Variants in HGFAC observed in about 807,000 individuals in gnomAD.
HGFAC encodes the protein HGF activator.
Under a neutral mutation model 70.6 loss-of-function variants are expected in HGFAC, and 76 were observed. That is an observed-to-expected ratio of 1.08 (90% CI 0.89 to 1.30). The LOEUF is 1.30. Ranked by LOEUF, HGFAC falls within the 50% of genes most tolerant of loss-of-function variation. The probability of loss-of-function intolerance (pLI) is 0.00; values close to 1 mark genes in which losing one functional copy is unlikely to be tolerated. For missense variants in HGFAC, 1,044 were observed against 933.7 expected (o/e 1.12, Z -1.54); for synonymous variants, 464 against 405.3 (o/e 1.14, Z -1.74).
At position 3,443,377 on chromosome 4, in the gene HGFAC, C is replaced by T; in HGVS notation, c.432C>T (p.Ala144=). The change falls in exon 4 of 14, where the codon GCC becomes GCT. Residue 144 remains alanine (A), a synonymous_variant. Coordinates refer to ENST00000382774, the MANE Select transcript of HGFAC (RefSeq NM_001528.4). The part of the protein sequence containing the change: ...ATTHNYDRDR[A]WGYCVEATPP... ...CTCACAACTACGACCGGGACAGGGC[C>T]TGGGGCTACTGTGTGGAGGCCACCC... 1 of 1,528,218 alleles carries T rather than the reference C, an allele frequency of 6.5e-7. No individual in the cohort carries two copies. The highest frequency in any genetic ancestry group is 1.2e-5 in the South Asian group (1 of 80,946). 94.7% of individuals were successfully genotyped at this position (1,528,218 alleles called of 1,614,324 possible).
chr4:3,447,866 AGGCTGACCCT>A lies in HGFAC; in HGVS notation c.1496-25_1496-16del, dbSNP rs1725571607. The stretch of plus-strand genomic sequence containing the variant: ...GCCTCCCGTTCAGCCCGCACACCAC[AGGCTGACCCT>A]GGCCACTCTTCTGATCAGTCCTGAT... On this transcript the variant is annotated intron_variant, in intron 11 of 13. Coordinates refer to ENST00000382774, the MANE Select transcript of HGFAC (RefSeq NM_001528.4). 1 of 1,603,306 alleles carries A rather than the reference AGGCTGACCCT, an allele frequency of 6.2e-7. No homozygotes were observed. The highest frequency in any genetic ancestry group is 8.5e-7 in the Non-Finnish European group (1 of 1,173,336).
chr4:3,444,552 AC>A, intron 6 of HGFAC, 70 bp from the exon 7 acceptor site: 1 of 1,501,840 alleles, frequency 6.7e-7, no homozygotes. Flanking sequence ...CAAGGGGTGG[AC>A]CCCGGCCCCG....
Position 3,443,096 on chromosome 4 carries a change from G to A in HGFAC, c.345G>A (p.Gly115=), listed in dbSNP as rs1725369504. Residue 115 remains glycine, a synonymous_variant, in exon 3 of 14, where the codon GGG becomes GGA. Transcript: ENST00000382774. ...GRPCRFPFRY[G]GRMLHACTSE... ...CCTGCAGGTTCCCCTTCCGCTACGG[G>A]GGCCGCATGCTGCATGCCTGCACTT... 1 of 1,598,052 alleles carries A rather than the reference G, an allele frequency of 6.3e-7. No homozygotes were observed. The highest frequency in any genetic ancestry group is 8.5e-7 in the Non-Finnish European group (1 of 1,177,736).
Position 3,449,281 on chromosome 4 carries a change from T to C in HGFAC, c.1830T>C (p.Ala610=). 6.2e-7 allele frequency: 1 copy of C among 1,612,454 alleles called. No homozygotes were observed. ...GPLACEKNGV[A]YLYGIISWGD... is the part of the protein sequence containing the mutation. ...TGGCCTGCGAGAAGAACGGCGTGGC[T>C]TACCTCTACGGCATCATCAGCTGGG... The change falls in exon 14 of 14, where the codon GCT becomes GCC. Residue 610 remains alanine, a synonymous_variant. Transcript: ENST00000382774.
rs781130599 is a variant in HGFAC, at chr4:3,447,970, AGCCCG to A, written c.1574_1578del (p.Pro525GlnfsTer19). 21 of 1,591,672 alleles carry A rather than the reference AGCCCG, an allele frequency of 1.3e-5. No homozygotes were observed. Among genetic ancestry groups the A allele is most frequent in the Non-Finnish European group, 1.6e-5 (19 of 1,169,882 alleles). ...TTCGTGCAGCCCATCTGCCTGCCCG[AGCCCG>A]GCAGCACCTTCCCCGCAGGACACAA... On this transcript the variant is annotated frameshift_variant, in exon 12 of 14. Coordinates refer to ENST00000382774, the MANE Select transcript of HGFAC (RefSeq NM_001528.4). LOFTEE classifies it high-confidence loss of function.
At position 3,443,040 on chromosome 4, in the gene HGFAC, C is replaced by A; in HGVS notation, c.299-10C>A. The A allele has an allele frequency of 1.3e-6, 2 of 1,592,554 alleles. No homozygotes were observed. The highest frequency in any genetic ancestry group is 2.2e-5 in the East Asian group (1 of 44,566). Reference sequence around the variant, plus strand: ...GAGGGAGCCCTGACCCTGCCACCCCCTCCCCACAGCACTCACCGAGGACGG... The same window carrying A: ...GAGGGAGCCCTGACCCTGCCACCCCATCCCCACAGCACTCACCGAGGACGG... On this transcript the variant is annotated splice_polypyrimidine_tract_variant and intron_variant, in intron 2 of 13. Transcript: ENST00000382774.
At chr4:3,443,008 GCCC>G in intron 2 of HGFAC, 39 bp from the exon 3 acceptor site, 1 of 1,542,328 alleles carries the variant, frequency 6.5e-7, no homozygotes, top group Non-Finnish European at 8.8e-7. Flanking sequence ...GGGCTCGGGT[GCCC>G]CTCGAGGGAG....
Position 3,447,477 on chromosome 4 carries a change from G to T in HGFAC, c.1356-15G>T, listed in dbSNP as rs377620516. ...GGAGGGCTGGTCCATGCAGCCTCCA[G>T]CCCCCCTTGCACAGCCCCCCCAGGG... On this transcript the variant is annotated splice_polypyrimidine_tract_variant and intron_variant, in intron 10 of 13. Transcript: ENST00000382774. 121 of 1,611,968 alleles carry T rather than the reference G, an allele frequency of 7.5e-5. No individual in the cohort carries two copies. Among genetic ancestry groups the T allele is most frequent in the Non-Finnish European group, 1.0e-4 (119 of 1,179,568 alleles).
Position 3,443,412 on chromosome 4 carries a change from G to C in HGFAC, c.467G>C (p.Gly156Ala). ...TGTGTGGAGGCCACCCCGCCTCCAGGGGGCCCAGGTGGGTGCTGGGTTGGG... is the reference window on the plus strand; with the variant it reads ...TGTGTGGAGGCCACCCCGCCTCCAGCGGGCCCAGGTGGGTGCTGGGTTGGG... ...GYCVEATPPP[G>A]GPAALDPCAS... Residue 156 changes from glycine (G) to alanine (A), a missense_variant, in exon 4 of 14, where the codon GGG becomes GCG. Coordinates refer to ENST00000382774, the MANE Select transcript of HGFAC (RefSeq NM_001528.4). 1 of 1,477,102 alleles carries C rather than the reference G, an allele frequency of 6.8e-7. No individual in the cohort carries two copies. Among genetic ancestry groups the C allele is most frequent in the Non-Finnish European group, 9.0e-7 (1 of 1,111,472 alleles). The allele number at this position is 1,477,102 out of a possible 1,614,324, so 91.5% of individuals were successfully genotyped here. A position where few individuals can be genotyped will look rare whatever the true frequency, so the allele number is the denominator to read the frequency against.
chr4:3,442,189 AG>A, intron 1 of HGFAC, 71 bp downstream of exon 1: 1 of 1,226,604 alleles, frequency 8.2e-7, no homozygotes, highest in Non-Finnish European at 1.1e-6. Flanking sequence ...GGAGGAGGCC[AG>A]AGGGAGGGTC....
At chr4:3,449,191 G>C (rs762954928) in intron 13 of HGFAC, 46 bp from the exon 14 acceptor site, 5 of 1,569,272 alleles carry the variant, frequency 3.2e-6, no homozygotes, top group Non-Finnish European at 8.7e-7. Flanking sequence ...GGGGGTCCCT[G>C]AACCAGGCCC....
intron 9 of HGFAC, 186 bp downstream of exon 9, chr4:3,445,536 C>T (rs1481758883): frequency 9.7e-6 from 6 of 618,090 alleles, no homozygotes; most frequent in African/African-American, 5.5e-5. Context: ...AGTGGGGAAG[C>T]AGCCCGCTGC....
intron 6 of HGFAC, 77 bp from the exon 7 acceptor site, chr4:3,444,546 G>C: frequency 6.6e-7 from 1 of 1,507,440 alleles, no homozygotes. Context: ...AAGGGACAAG[G>C]GGTGGACCCC....
At chr4:3,445,186 G>C (rs1041683303) in intron 8 of HGFAC, 79 bp from the exon 9 acceptor site, 5 of 1,366,750 alleles carry the variant, frequency 3.7e-6, no homozygotes, top group Non-Finnish European at 5.1e-6. Context: ...CCGCCCTGCT[G>C]GGGGTTCCGA....
chr4:3,445,794 G>T, intron 9 of HGFAC: 1 of 1,337,426 alleles, frequency 7.5e-7, no homozygotes, highest in Non-Finnish European at 1.0e-6. Flanking sequence ...GGGCTGCTGA[G>T]GGGGCCACAA....
upstream of HGFAC, chr4:3,441,937 T>C: frequency 1.1e-6 from 1 of 925,118 alleles, no homozygotes; most frequent in South Asian, 2.0e-5. The surrounding 1 kb of genome is among the most constrained non-coding windows in gnomAD (Gnocchi z 6.0). Flanking sequence ...CACGAAGCCT[T>C]GACCCCACCT....
Position 3,444,692 on chromosome 4 carries a change from G to A in HGFAC, c.800G>A (p.Cys267Tyr), listed in dbSNP as rs775439288. The A allele has an allele frequency of 3.8e-6, 6 of 1,597,688 alleles. No individual in the cohort carries two copies. Among genetic ancestry groups the A allele is most frequent in the Non-Finnish European group, 5.1e-6 (6 of 1,178,554 alleles). ...ATCGTGGCCACCGGGACCACCGTGT[G>A]TGCCTGCCCACCAGGCTTCGCTGGA... ...HLIVATGTTV[C>Y]ACPPGFAGRL... The change falls in exon 7 of 14, where the codon TGT becomes TAT. Residue 267 changes from cysteine (C) to tyrosine (Y), a missense_variant. Cys to Tyr is a radical substitution (Grantham distance 194). Coordinates refer to ENST00000382774, the MANE Select transcript of HGFAC (RefSeq NM_001528.4).
chr4:3,444,814 C>T lies in HGFAC; in HGVS notation c.842-5C>T, dbSNP rs769319829. Reference sequence around the variant, plus strand: ...GGGCCGGCCTCACTGCCCCTCTGCCCGCAGAGCCTGATGAGCGCTGCTTCT... The same window carrying T: ...GGGCCGGCCTCACTGCCCCTCTGCCTGCAGAGCCTGATGAGCGCTGCTTCT... On this transcript the variant is annotated splice_region_variant and splice_polypyrimidine_tract_variant and intron_variant, in intron 7 of 13. Coordinates refer to ENST00000382774, the MANE Select transcript of HGFAC (RefSeq NM_001528.4). The T allele has an allele frequency of 1.7e-5, 27 of 1,589,072 alleles. No homozygotes were observed. The highest frequency in any genetic ancestry group is 2.7e-5 in the African/African-American group (2 of 74,568).
rs1308748989 is a variant in HGFAC, at chr4:3,447,583, A to T, written c.1447A>T (p.Ile483Phe). The change falls in exon 11 of 14, where the codon ATC becomes TTC. Residue 483 changes from isoleucine to phenylalanine, a missense_variant. Transcript: ENST00000382774. ...GCAGACCTTCGGCATCGAGAAGTAC[A>T]TCCCGTACACCCTGTACTCGGTGTT... ...VTQTFGIEKY[I>F]PYTLYSVFNP... The T allele has an allele frequency of 1.2e-6, 2 of 1,612,704 alleles. No homozygotes were observed. Among genetic ancestry groups the T allele is most frequent in the Non-Finnish European group, 8.5e-7 (1 of 1,179,914 alleles).
Sources: gnomAD v4.1 joint callset for allele counts on GRCh38, gnomAD v4.1.1 for gene constraint, Gnocchi (gnomAD v3.1) non-coding constraint, MANE v1.5 for transcripts, NCBI Gene and HGNC (gene_info 2026-07-23, HGNC 2026-07-21) for gene names.